FYB1: variants seen among roughly 807,000 people sequenced by gnomAD.
The protein encoded by FYB1 is FYN-binding protein 1.
A neutral mutation model predicts 94.1 loss-of-function variants in FYB1; 41 were observed. That is an observed-to-expected ratio of 0.44 (90% CI 0.34 to 0.57). The LOEUF is 0.57. Ranked by LOEUF, FYB1 falls within the 20% of genes least tolerant of loss-of-function variation. The pLI is 0.02. For synonymous variants in FYB1, 367 were observed against 353.2 expected (o/e 1.04, Z -0.44); for missense variants, 1,050 against 976.8 (o/e 1.07, Z -1.00).
intron 1 of FYB1, among the ~76,000 whole-genome samples, chr5:39,242,985 T>C (rs1210510306): frequency 6.6e-6 from 1 of 152,044 alleles, no homozygotes; most frequent in African/African-American, 2.4e-5. Flanking sequence ...TTTGATGGGG[T>C]TGTTTGTTTA....
At chr5:39,190,080 A>T (rs893059592) in intron 2 of FYB1, among the ~76,000 whole-genome samples, 1 of 152,222 alleles carries the variant, frequency 6.6e-6, no homozygotes, top group African/African-American at 2.4e-5. Context: ...ACGGTAACAT[A>T]GCTTTTATAT....
intron 1 of FYB1, among the ~76,000 whole-genome samples, chr5:39,233,258 T>C (rs1198302855): frequency 1.3e-5 from 2 of 152,104 alleles, no homozygotes; most frequent in African/African-American, 2.4e-5. Flanking sequence ...TAGACTTAGA[T>C]GTAGCCCCCA....
intron 1 of FYB1, among the ~76,000 whole-genome samples, chr5:39,253,713 T>C (rs1225236834): frequency 1.3e-5 from 2 of 151,710 alleles, no homozygotes; most frequent in African/African-American, 4.9e-5. Flanking sequence ...TAGGTAAATG[T>C]GTGTTGTAAT....
intron 1 of FYB1, among the ~76,000 whole-genome samples, chr5:39,272,699 C>T (rs1752700822): frequency 1.4e-5 from 2 of 145,524 alleles, no homozygotes; most frequent in African/African-American, 5.0e-5. Context: ...AAAAGAATTA[C>T]TTAATCTTAG....
At chr5:39,157,139 C>A (rs570322975) in intron 2 of FYB1, among the ~76,000 whole-genome samples, 1 of 152,014 alleles carries the variant, frequency 6.6e-6, no homozygotes, top group Non-Finnish European at 1.5e-5. Context: ...TAAGCCGTAG[C>A]GGTGGGTTTC....
intron 2 of FYB1, among the ~76,000 whole-genome samples, chr5:39,176,281 G>A (rs1261803302): frequency 1.3e-5 from 2 of 151,274 alleles, no homozygotes; most frequent in Non-Finnish European, 2.9e-5. Context: ...CTCCCGAGTA[G>A]CTGGGATTAC....
chr5:39,196,860 C>T (rs1334804626), intron 2 of FYB1, among the ~76,000 whole-genome samples: 2 of 152,228 alleles, frequency 1.3e-5, no homozygotes, highest in South Asian at 2.1e-4. Context: ...GGGCAAGTTA[C>T]CTAACCTCTC....
intron 3 of FYB1, among the ~76,000 whole-genome samples, chr5:39,141,684 AAAGTCAC>A (rs1272679848): frequency 1.2e-4 from 18 of 152,118 alleles, no homozygotes; most frequent in African/African-American, 4.3e-4. Flanking sequence ...ACCAATGATA[AAAGTCAC>A]AATTACTTTT....
intron 16 of FYB1, chr5:39,110,864 C>T: frequency 3.3e-6 from 1 of 305,172 alleles, no homozygotes; most frequent in Non-Finnish European, 6.3e-6. Flanking sequence ...TTTCAGATCC[C>T]AGCCAGCTAT....
rs369925059 is a variant in FYB1 at position 39,257,657 on chromosome 5, A to G, written c.-28+16746T>C. On this transcript the variant is annotated intron_variant, in intron 1 of 1. Coordinates refer to the FYB1 transcript ENST00000510188. ...AGAAATCAAGGGAGTCAAGCTCCAG[A>G]AGAGATCACTTTAAACTTTGTTCAC... is the stretch of plus-strand genomic sequence containing the variant. Among the ~76,000 whole-genome samples the G allele has an allele frequency of 3.3e-5, 5 of 152,314 alleles. No individual in the cohort carries two copies. In the East Asian group the frequency reaches 9.6e-4, roughly 29 times the overall value.
chr5:39,251,822 T>C (rs1751723986), intron 1 of FYB1, among the ~76,000 whole-genome samples: 1 of 152,078 alleles, frequency 6.6e-6, no homozygotes, highest in South Asian at 2.1e-4. Flanking sequence ...TGTAAAGTAG[T>C]AATTTAAAAG....
chr5:39,254,865 G>C (rs1751865222), intron 1 of FYB1, among the ~76,000 whole-genome samples: 1 of 152,110 alleles, frequency 6.6e-6, no homozygotes, highest in African/African-American at 2.4e-5. Flanking sequence ...CATGAAAAAA[G>C]AAAGTTGGAA....
chr5:39,270,675 C>G, intron 1 of FYB1: 1 of 1,157,930 alleles, frequency 8.6e-7, no homozygotes, highest in Non-Finnish European at 1.2e-6. Context: ...ACTTCCTTTT[C>G]TGAGCTGTGT....
At chr5:39,159,994 T>C (rs1479174804) in intron 2 of FYB1, among the ~76,000 whole-genome samples, 2 of 152,178 alleles carry the variant, frequency 1.3e-5, no homozygotes, top group Non-Finnish European at 2.9e-5. Flanking sequence ...GTTCCTCTTC[T>C]TCATGGCCAA....
chr5:39,222,045 A>AAATAAAATAT (rs1186243510), upstream of FYB1, among the ~76,000 whole-genome samples: 1 of 152,024 alleles, frequency 6.6e-6, no homozygotes, highest in African/African-American at 2.4e-5. Context: ...AAATAAAATA[A>AAATAAAATAT]AATAAAATGA....
intron 2 of FYB1, chr5:39,170,053 G>T: frequency 1.2e-6 from 1 of 819,072 alleles, no homozygotes; most frequent in Non-Finnish European, 2.1e-6. Context: ...GGCCTCCACT[G>T]GTGTCCTAGA....
intron 1 of FYB1, among the ~76,000 whole-genome samples, chr5:39,241,666 T>A (rs558313979): frequency 1.3e-4 from 20 of 152,244 alleles, no homozygotes; most frequent in Non-Finnish European, 2.2e-4. Flanking sequence ...CCAGGTATGG[T>A]TGAGTTGGCT....
At chr5:39,115,098 A>ATT (rs10652993) in intron 16 of FYB1, among the ~76,000 whole-genome samples, 2,103 of 144,242 alleles carry the variant, frequency 0.015, 67 homozygotes, top group East Asian at 0.13. Flanking sequence ...GAAACACATA[A>ATT]TTTTTTTTTT....
chr5:39,229,446 A>T (rs929981953), intron 1 of FYB1, among the ~76,000 whole-genome samples: 1 of 152,196 alleles, frequency 6.6e-6, no homozygotes, highest in Non-Finnish European at 1.5e-5. Context: ...ACTCACCTGA[A>T]CTGTGTCCAT....
Sources: gnomAD v4.1 joint callset for allele counts (sites outside exome capture counted in the v4.1 genomes callset) on GRCh38, gnomAD v4.1.1 for gene constraint, MANE v1.5 for transcripts, NCBI Gene and HGNC (gene_info 2026-07-23, HGNC 2026-07-21) for gene names.